Variants in CACNA1G observed in about 807,000 individuals in gnomAD.
CACNA1G encodes calcium voltage-gated channel subunit alpha1 G.
In CACNA1G, 67 loss-of-function variants were observed where a neutral mutation model predicts 219.4. That is an observed-to-expected ratio of 0.31 (90% CI 0.25 to 0.37). The LOEUF is 0.37. Among genes scored for constraint, CACNA1G ranks in the 10% least tolerant of loss-of-function variants. The probability of loss-of-function intolerance (pLI) is 1.00; values close to 1 mark genes in which losing one functional copy is unlikely to be tolerated. For missense variants in CACNA1G, 2,380 were observed against 3,231.4 expected, an observed-to-expected ratio of 0.74 and a Z score of 6.39; for synonymous variants, 1,296 against 1,345.3, an observed-to-expected ratio of 0.96 and a Z score of 0.80.
At chr17:50,563,096 G>C (rs139970885) in intron 1 of CACNA1G, 4 of 152,386 alleles carry the variant, frequency 2.6e-5, no homozygotes, top group Admixed American at 6.5e-5. Context: ...TTTGGGGAAG[G>C]GGGGTGGAAG....
At chr17:50,565,240 T>C (rs1239642017) in intron 1 of CACNA1G, among the ~76,000 whole-genome samples, 1 of 152,184 alleles carries the variant, frequency 6.6e-6, no homozygotes, top group Admixed American at 6.5e-5. Context: ...TGTGTCTCTG[T>C]GTCTCATGTC....
rs989526542 is a variant in CACNA1G, at chr17:50,600,398, A to C, written c.3691-328A>C. ...GTGTGGGGCCAGTGTTTGATAACTG[A>C]TGCTGCTTCCCAGCTCAGCAGGGAG... On this transcript the variant is annotated intron_variant, in intron 17 of 37. Coordinates refer to ENST00000359106, the MANE Select transcript of CACNA1G (RefSeq NM_018896.5). The surrounding 1 kb of genome is among the most constrained non-coding windows in gnomAD (Gnocchi z 4.1). Among the ~76,000 whole-genome samples, 1 of 151,492 alleles carries C rather than the reference A, an allele frequency of 6.6e-6. No individual in the cohort carries two copies.
chr17:50,603,748 T>C lies in CACNA1G; in HGVS notation c.4170-407T>C, dbSNP rs1012550666. Among the ~76,000 whole-genome samples the C allele has an allele frequency of 9.2e-5, 14 of 151,700 alleles. No homozygotes were observed. The highest frequency in any genetic ancestry group is 3.4e-4 in the African/African-American group (14 of 41,200). On this transcript the variant is annotated intron_variant, in intron 21 of 37. Transcript: ENST00000359106. The surrounding 1 kb of genome is among the most constrained non-coding windows in gnomAD (Gnocchi z 6.4). The stretch of plus-strand genomic sequence containing the variant: ...TTTTAATAGGGATGATGTGGACTAA[T>C]GGCGATGCTTCCCTGACTGTGATAG...
At position 50,618,535 on chromosome 17, in the gene CACNA1G, T is replaced by C; in HGVS notation, c.5428-120T>C. 9.9e-7 allele frequency: 1 copy of C among 1,013,422 alleles called. No individual in the cohort carries two copies. Among genetic ancestry groups the C allele is most frequent in the Non-Finnish European group, 1.5e-6 (1 of 677,622 alleles). The allele number at this position is 1,013,422 out of a possible 1,614,324, so 62.8% of individuals were successfully genotyped here. A position where few individuals can be genotyped will look rare whatever the true frequency, so the allele number is the denominator to read the frequency against. The stretch of plus-strand genomic sequence containing the variant: ...GTAGTGCTCCTCTGCCCCCAAACAC[T>C]CCCTCCTCCTCCCCTTCCTTCCCAT... On this transcript the variant is annotated intron_variant, in intron 32 of 37. Transcript: ENST00000359106. The surrounding 1 kb of genome is among the most constrained non-coding windows in gnomAD (Gnocchi z 5.3).
At chr17:50,623,507 T>A (rs917554357) in intron 35 of CACNA1G, among the ~76,000 whole-genome samples, 1 of 151,996 alleles carries the variant, frequency 6.6e-6, no homozygotes, top group Non-Finnish European at 1.5e-5. Flanking sequence ...TCAGAGCCTC[T>A]AAATGGGGCC....
intron 18 of CACNA1G, 49 bp from the exon 19 acceptor site, chr17:50,601,002 C>T (rs544436303): frequency 1.9e-6 from 3 of 1,601,722 alleles, no homozygotes; most frequent in Non-Finnish European, 1.7e-6. Context: ...CCTCTCGTTG[C>T]CACCTGCCCT....
In CACNA1G at chr17:50,626,807, TC is replaced by T. The variant is rs1311780425; in HGVS notation, c.*58del. 7 of 1,609,212 alleles carry T rather than the reference TC, an allele frequency of 4.3e-6. No individual in the cohort carries two copies. The highest frequency in any genetic ancestry group is 1.7e-5 in the Admixed American group (1 of 60,018). On this transcript the variant is annotated 3_prime_UTR_variant, in exon 38 of 38. Coordinates refer to ENST00000359106, the MANE Select transcript of CACNA1G (RefSeq NM_018896.5). The surrounding 1 kb of genome is among the most constrained non-coding windows in gnomAD (Gnocchi z 4.3). ...CCACTGGGTGCCAAGTCCTAGCTCC[TC>T]CTCCTGGGCTATATTCCTGACAAAA...
rs182521993 is a variant in CACNA1G, at chr17:50,567,948, G to A, written c.243-922G>A. 2.3e-3 allele frequency among the ~76,000 whole-genome samples: 356 copies of A among 152,266 alleles called. 2 individuals carry two copies. Among genetic ancestry groups the A allele is most frequent in the African/African-American group, 8.3e-3 (343 of 41,556 alleles). On this transcript the variant is annotated intron_variant, in intron 1 of 37. Transcript: ENST00000359106. ...GGAAGCCACAAGCAGGTGTGATGGC[G>A]GCAATGGCCTCTTGGGGGAGGGGGT...
intron 27 of CACNA1G, among the ~76,000 whole-genome samples, 169 bp from the exon 28 acceptor site, chr17:50,616,106 C>T (rs2050530460): frequency 6.6e-6 from 1 of 152,230 alleles, no homozygotes; most frequent in Admixed American, 6.5e-5. Context: ...GCCCTACTCC[C>T]TTCTGGGGTT....
Position 50,578,758 on chromosome 17 carries a change from G to A in CACNA1G, c.2301+194G>A, listed in dbSNP as rs1162845470. ...TCTAGAGGGAGTGCTTAAAGTCTCT[G>A]AGTATGGAGGTCGCCTCAGGTAGGC... is the stretch of plus-strand genomic sequence containing the variant. On this transcript the variant is annotated intron_variant, in intron 9 of 37. Coordinates refer to ENST00000359106, the MANE Select transcript of CACNA1G (RefSeq NM_018896.5). The surrounding 1 kb of genome is among the most constrained non-coding windows in gnomAD (Gnocchi z 4.5). Among the ~76,000 whole-genome samples, 1 of 152,200 alleles carries A rather than the reference G, an allele frequency of 6.6e-6. No homozygotes were observed. The highest frequency in any genetic ancestry group is 1.5e-5 in the Non-Finnish European group (1 of 68,042).
At chr17:50,595,109 T>C (rs1292573204) in intron 14 of CACNA1G, 48 bp downstream of exon 14, 46 of 1,429,658 alleles carry the variant, frequency 3.2e-5, no homozygotes, top group Non-Finnish European at 4.2e-5. Context: ...CCCATGCCCG[T>C]GCCCCTCCAC....
At chr17:50,625,090 T>C (rs1356986199) in intron 37 of CACNA1G, among the ~76,000 whole-genome samples, 1 of 151,626 alleles carries the variant, frequency 6.6e-6, no homozygotes, top group African/African-American at 2.4e-5. Context: ...GTAGCTGGGA[T>C]TACAGACATG....
In CACNA1G at chr17:50,626,226, C is replaced by G. The variant is rs552001827; in HGVS notation, c.6609C>G (p.Asn2203Lys). ...CCCCTTGCCCAGGCCCAGAACCCAA[C>G]TGGGGCAAGGGCCCTCCAGAGACCA... ...PPAPCPGPEPNWGKGPPETRS... is the reference protein window; with the variant it reads ...PPAPCPGPEPKWGKGPPETRS... Residue 2203 changes from asparagine to lysine, a missense_variant, in exon 38 of 38, where the codon AAC (asparagine) becomes AAG (lysine). Asn to Lys is a moderately conservative substitution (Grantham distance 94). Around this residue, in one of 17 missense-constraint regions of CACNA1G, gnomAD observed 672 missense variants for 670.5 expected, o/e 1.00. Coordinates refer to ENST00000359106, the MANE Select transcript of CACNA1G (RefSeq NM_018896.5). The surrounding 1 kb of genome is among the most constrained non-coding windows in gnomAD (Gnocchi z 4.3). 7 of 1,613,842 alleles carry G rather than the reference C, an allele frequency of 4.3e-6. No homozygotes were observed. In the Admixed American group the frequency reaches 5.0e-5, roughly 12 times the overall value.
chr17:50,565,033 C>T (rs1427585152), intron 1 of CACNA1G, among the ~76,000 whole-genome samples: 2 of 151,588 alleles, frequency 1.3e-5, no homozygotes, highest in Non-Finnish European at 2.9e-5. Flanking sequence ...GCCCCCCCCA[C>T]CCTCGCCTGC....
intron 16 of CACNA1G, among the ~76,000 whole-genome samples, chr17:50,597,129 G>C (rs1472470210): frequency 6.6e-6 from 1 of 152,136 alleles, no homozygotes; most frequent in African/African-American, 2.4e-5. Flanking sequence ...TGAAAACAGG[G>C]CCTAAGCTGA....
chr17:50,624,017 G>A lies in CACNA1G; in HGVS notation c.6171G>A (p.Gly2057=). The change falls in exon 36 of 38, where the codon GGG becomes GGA. Residue 2057 remains glycine, a synonymous_variant. Coordinates refer to ENST00000359106, the MANE Select transcript of CACNA1G (RefSeq NM_018896.5). The stretch of plus-strand genomic sequence containing the variant: ...ATGACAGCTACATGTGTCGGCATGG[G>A]AGCACTGCCGAGGGGCCCCTGGGAC... ...LPNDSYMCRH[G]STAEGPLGHR... 3.1e-6 allele frequency: 5 copies of A among 1,612,982 alleles called. No individual in the cohort carries two copies. The highest frequency in any genetic ancestry group is 4.2e-6 in the Non-Finnish European group (5 of 1,179,784).
At chr17:50,589,851 C>T (rs114826866) in intron 9 of CACNA1G, among the ~76,000 whole-genome samples, 79 of 151,462 alleles carry the variant, frequency 5.2e-4, no homozygotes, top group African/African-American at 1.9e-3. Flanking sequence ...GCGTGTCTTC[C>T]TTCTGCCTAT....
At chr17:50,582,320 T>C (rs2042128429) in intron 9 of CACNA1G, among the ~76,000 whole-genome samples, 1 of 152,130 alleles carries the variant, frequency 6.6e-6, no homozygotes, top group Non-Finnish European at 1.5e-5. Context: ...GCTCCGGCAG[T>C]GGTCCAGGCA....
Position 50,571,911 on chromosome 17 carries a change from C to T in CACNA1G, c.620C>T (p.Thr207Met), listed in dbSNP as rs1222506608. 3.1e-6 allele frequency: 5 copies of T among 1,613,764 alleles called. No homozygotes were observed. Among genetic ancestry groups the T allele is most frequent in the Admixed American group, 1.7e-5 (1 of 60,004 alleles). The change falls in exon 5 of 38, where the codon ACG (threonine) becomes ATG (methionine). Residue 207 changes from threonine (T) to methionine (M), a missense_variant. Thr to Met is a moderately conservative substitution (Grantham distance 81). Around this residue, in one of 17 missense-constraint regions of CACNA1G, gnomAD observed 56 missense variants for 135.8 expected, o/e 0.41. Coordinates refer to ENST00000359106, the MANE Select transcript of CACNA1G (RefSeq NM_018896.5). The surrounding 1 kb of genome is among the most constrained non-coding windows in gnomAD (Gnocchi z 4.3). ...ATCCTTGTCACGTTGCTGCTGGATA[C>T]GCTGCCCATGCTGGGCAACGTCCTG... Reference protein sequence around the residue: ...MRILVTLLLDTLPMLGNVLLL... With the variant: ...MRILVTLLLDMLPMLGNVLLL...
Sources: gnomAD v4.1 joint callset for allele counts (sites outside exome capture counted in the v4.1 genomes callset) on GRCh38, gnomAD v4.1.1 for gene constraint, gnomAD v4.1.1 regional missense constraint, Gnocchi (gnomAD v3.1) non-coding constraint, MANE v1.5 for transcripts, NCBI Gene and HGNC (gene_info 2026-07-23, HGNC 2026-07-21) for gene names.